Variants in SPAG16 observed in about 807,000 individuals in gnomAD.
SPAG16 encodes the protein sperm associated antigen 16.
In SPAG16, 86 loss-of-function variants were observed where a neutral mutation model predicts 80.4. The ratio of observed to expected loss-of-function variants is 1.07; its 90% CI spans 0.90 to 1.28. The LOEUF is 1.28. Ranked by LOEUF, SPAG16 falls within the 50% of genes most tolerant of loss-of-function variation. SPAG16 has a pLI of 0.00. For missense variants in SPAG16, 870 were observed against 765.3 expected (o/e 1.14, Z -1.61); for synonymous variants, 294 against 265.9 (o/e 1.11, Z -1.03).
chr2:213,405,921 G>A (rs1391700763), intron 9 of SPAG16, among the ~76,000 whole-genome samples: 5 of 152,164 alleles, frequency 3.3e-5, no homozygotes, highest in African/African-American at 1.2e-4. Context: ...CAAAATAAGG[G>A]TTTTCAAAGT....
intron 5 of SPAG16, chr2:213,317,849 G>A: frequency 2.1e-6 from 1 of 478,320 alleles, no homozygotes; most frequent in Non-Finnish European, 2.7e-6. Context: ...TCTGTTGGGG[G>A]CTATTGATAA....
chr2:214,039,062 A>T (rs1480409305), intron 13 of SPAG16, among the ~76,000 whole-genome samples: 1 of 152,150 alleles, frequency 6.6e-6, no homozygotes, highest in African/African-American at 2.4e-5. Flanking sequence ...ATACCTAGTA[A>T]TGGGATTGCT....
intron 10 of SPAG16, among the ~76,000 whole-genome samples, chr2:213,852,267 C>T (rs2074944792): frequency 6.6e-6 from 1 of 152,230 alleles, no homozygotes. Context: ...CTACTGTACT[C>T]TCCAAGTTAG....
chr2:213,340,342 A>G, intron 6 of SPAG16, 72 bp downstream of exon 6: 6 of 1,083,378 alleles, frequency 5.5e-6, no homozygotes, highest in Admixed American at 2.4e-5. Flanking sequence ...ATTATGACAA[A>G]GTTTTAGACA....
chr2:213,284,499 G>A lies in SPAG16; in HGVS notation c.16G>A (p.Gly6Arg). 1.3e-6 allele frequency: 2 copies of A among 1,573,854 alleles called. No homozygotes were observed. The highest frequency in any genetic ancestry group is 2.3e-5 in the South Asian group (2 of 85,974). Residue 6 changes from glycine (G) to arginine (R), a missense_variant, in exon 1 of 16, where the codon GGG (glycine) becomes AGG (arginine). Gly to Arg is a moderately radical substitution (Grantham distance 125). Transcript: ENST00000331683. The part of the protein sequence containing the change: MAAQR[G>R]MPSSAVRVLE... The stretch of plus-strand genomic sequence containing the variant: ...AGCGCCAGAGATGGCTGCTCAGCGA[G>A]GGATGCCCAGCTCCGCCGTGAGGGT...
intron 10 of SPAG16, among the ~76,000 whole-genome samples, chr2:213,798,026 G>C (rs1306588555): frequency 6.6e-6 from 1 of 152,124 alleles, no homozygotes; most frequent in African/African-American, 2.4e-5. Flanking sequence ...ACGGGGCATG[G>C]CATTGTGGCC....
At chr2:213,860,340 CAG>C (rs1490798385) in intron 10 of SPAG16, among the ~76,000 whole-genome samples, 1 of 39,434 alleles carries the variant, frequency 2.5e-5, no homozygotes, top group Admixed American at 5.1e-4. Context: ...AAGTCATTTA[CAG>C]ATATATATAT....
intron 10 of SPAG16, among the ~76,000 whole-genome samples, chr2:213,492,529 G>A (rs890107294): frequency 7.9e-5 from 12 of 151,742 alleles, no homozygotes; most frequent in African/African-American, 1.2e-4. Flanking sequence ...CAGCCTAGGC[G>A]ACAGAGCGAG....
intron 10 of SPAG16, among the ~76,000 whole-genome samples, chr2:213,513,690 A>G (rs1365179824): frequency 6.6e-6 from 1 of 152,352 alleles, no homozygotes; most frequent in African/African-American, 2.4e-5. Flanking sequence ...AATGTGTGCT[A>G]AAGTTAAAGC....
chr2:214,109,735 A>C (rs16851496), intron 14 of SPAG16, among the ~76,000 whole-genome samples: 25,068 of 152,208 alleles, frequency 0.16, 2,096 homozygotes, highest in African/African-American at 0.18. Context: ...AATTTTCTGT[A>C]GTGAGCCAAT....
Position 214,037,900 on chromosome 2 carries a change from T to TGA in SPAG16, c.1527+23824_1527+23825insAG, listed in dbSNP as rs1559720520. Among the ~76,000 whole-genome samples the TGA allele has an allele frequency of 8.0e-3, 1,215 of 151,260 alleles. 18 individuals are homozygous for TGA. The highest frequency in any genetic ancestry group is 0.028 in the African/African-American group (1,155 of 40,900). On this transcript the variant is annotated intron_variant, in intron 13 of 15. Coordinates refer to ENST00000331683, the MANE Select transcript of SPAG16 (RefSeq NM_024532.5). Reference sequence around the variant, plus strand: ...GTGTGTGTGTGTGTGTGTGTGTGTGTGTGTGTGTGTGTGTATCCAAGTCTT... The same window carrying TGA: ...GTGTGTGTGTGTGTGTGTGTGTGTGTGAGTGTGTGTGTGTGTATCCAAGTCTT...
rs2077021274 is a variant in SPAG16, at chr2:213,897,017, G to A, written c.1215-32943G>A. ...CTAGTGATAGATAGACTTGTACAGTGACTATATTGTACAACAATCTATTGT... is the reference window on the plus strand; with the variant it reads ...CTAGTGATAGATAGACTTGTACAGTAACTATATTGTACAACAATCTATTGT... On this transcript the variant is annotated intron_variant, in intron 11 of 15. Coordinates refer to ENST00000331683, the MANE Select transcript of SPAG16 (RefSeq NM_024532.5). 2.0e-5 allele frequency among the ~76,000 whole-genome samples: 3 copies of A among 152,064 alleles called. No individual in the cohort carries two copies. In the South Asian group the frequency reaches 6.2e-4, roughly 32 times the overall value.
intron 15 of SPAG16, among the ~76,000 whole-genome samples, chr2:214,301,172 T>G (rs1694524611): frequency 6.6e-6 from 1 of 151,034 alleles, no homozygotes; most frequent in Non-Finnish European, 1.5e-5. Context: ...CACAAACCAA[T>G]AAATGTGATT....
chr2:214,064,791 G>A (rs1348711869), intron 13 of SPAG16, among the ~76,000 whole-genome samples: 1 of 152,064 alleles, frequency 6.6e-6, no homozygotes, highest in Non-Finnish European at 1.5e-5. Flanking sequence ...TAAATACTCT[G>A]TGTGGTAATA....
chr2:213,647,601 C>T (rs907008385), intron 10 of SPAG16, among the ~76,000 whole-genome samples: 3 of 152,010 alleles, frequency 2.0e-5, no homozygotes, highest in South Asian at 2.1e-4. Flanking sequence ...CATCTCTGCT[C>T]GCCCATCTTT....
chr2:214,354,795 CTGTT>C (rs1266867269), intron 15 of SPAG16, among the ~76,000 whole-genome samples: 3 of 152,056 alleles, frequency 2.0e-5, no homozygotes, highest in Non-Finnish European at 2.9e-5. Flanking sequence ...ATCTGGCTCT[CTGTT>C]TGTCTGTTAT....
At chr2:214,108,824 C>T (rs1287323450) in intron 14 of SPAG16, among the ~76,000 whole-genome samples, 2 of 152,122 alleles carry the variant, frequency 1.3e-5, no homozygotes, top group Non-Finnish European at 2.9e-5. Context: ...TTTTATCTGC[C>T]ACTTGAGGTA....
chr2:213,611,080 C>T (rs1039164207), intron 10 of SPAG16, among the ~76,000 whole-genome samples: 1 of 152,154 alleles, frequency 6.6e-6, no homozygotes, highest in African/African-American at 2.4e-5. Flanking sequence ...CACTCTGGTT[C>T]GAACGTCTCT....
chr2:213,619,731 G>C (rs1476864226), intron 10 of SPAG16, among the ~76,000 whole-genome samples: 1 of 152,126 alleles, frequency 6.6e-6, no homozygotes, highest in Non-Finnish European at 1.5e-5. Context: ...AATTAGTGCA[G>C]TTATTATGGA....
Sources: allele counts gnomAD v4.1 joint callset (sites outside exome capture counted in the v4.1 genomes callset), GRCh38; gene constraint gnomAD v4.1.1; transcripts MANE v1.5; gene names NCBI Gene and HGNC (gene_info 2026-07-23, HGNC 2026-07-21).